Variants in CHRND observed in about 807,000 individuals in gnomAD.
The protein encoded by CHRND is acetylcholine receptor subunit delta.
A neutral mutation model predicts 57.8 loss-of-function variants in CHRND; 40 were observed. The ratio of observed to expected loss-of-function variants is 0.69; its 90% CI spans 0.54 to 0.90. The LOEUF (loss-of-function observed/expected upper bound fraction) is 0.90, where lower values mean the gene tolerates loss of function less well. Ranked by LOEUF, CHRND falls within the 40% of genes least tolerant of loss-of-function variation. The pLI, the probability that CHRND is intolerant of heterozygous loss-of-function variation, is 0.00. For synonymous variants in CHRND, 237 were observed against 270.6 expected (o/e 0.88, Z 1.22); for missense variants, 634 against 673.9 (o/e 0.94, Z 0.66).
rs1201770704 is a variant in CHRND, at chr2:232,529,818, G to A, written c.620-121G>A. 2.2e-5 allele frequency: 23 copies of A among 1,030,194 alleles called. No homozygotes were observed. The South Asian group carries it at 2.4e-4, about 11-fold the overall frequency. 63.8% of individuals were successfully genotyped at this position (1,030,194 alleles called of 1,614,324 possible). On this transcript the variant is annotated intron_variant, in intron 6 of 11. Coordinates refer to ENST00000258385, the MANE Select transcript of CHRND (RefSeq NM_000751.3). ...GAACGACACCCACCAACGGGACCCC[G>A]TAGACAGCCCATCTGCGTCTCTGGA...
chr2:232,529,237 G>A (rs1040021825), intron 6 of CHRND, among the ~76,000 whole-genome samples: 17 of 152,194 alleles, frequency 1.1e-4, no homozygotes, highest in South Asian at 2.1e-4. Context: ...CTCTGCCCAG[G>A]CCCGGAAGTC....
At position 232,534,232 on chromosome 2, in the gene CHRND, C is replaced by T; in HGVS notation, c.1261C>T (p.Pro421Ser). 6.2e-7 allele frequency: 1 copy of T among 1,614,190 alleles called. No individual in the cohort carries two copies. The highest frequency in any genetic ancestry group is 8.5e-7 in the Non-Finnish European group (1 of 1,180,034). ...TGGCCCCTCGTCTGTAGGCCGGCCCCCAGCAAGCTCTGAGCAGGCCCAGCA... is the reference window on the plus strand; with the variant it reads ...TGGCCCCTCGTCTGTAGGCCGGCCCTCAGCAAGCTCTGAGCAGGCCCAGCA... ...ARRLTTARRP[P>S]ASSEQAQQEL... Residue 421 changes from proline to serine, a missense_variant, in exon 11 of 12, where the codon CCA (proline) becomes TCA (serine). Coordinates refer to ENST00000258385, the MANE Select transcript of CHRND (RefSeq NM_000751.3).
In CHRND at chr2:232,526,606, C is replaced by T; in HGVS notation, c.130C>T (p.Pro44Ser). 3.1e-6 allele frequency: 5 copies of T among 1,613,828 alleles called. No homozygotes were observed. Among genetic ancestry groups the T allele is most frequent in the Non-Finnish European group, 4.2e-6 (5 of 1,180,012 alleles). The stretch of plus-strand genomic sequence containing the variant: ...GAAGGGCTACAACAAGGAGCTCCGG[C>T]CCGTGGCACACAAAGAGGAGAGTGT... The part of the protein sequence containing the change: ...QEKGYNKELR[P>S]VAHKEESVDV... The change falls in exon 2 of 12, where the codon CCC (proline) becomes TCC (serine). Residue 44 changes from proline to serine, a missense_variant. Pro to Ser is a moderately conservative substitution (Grantham distance 74). Coordinates refer to ENST00000258385, the MANE Select transcript of CHRND (RefSeq NM_000751.3).
chr2:232,534,825 C>T (rs542341638), intron 11 of CHRND, among the ~76,000 whole-genome samples: 10 of 152,330 alleles, frequency 6.6e-5, no homozygotes, highest in Admixed American at 3.9e-4. Flanking sequence ...GGGGTCTATC[C>T]ACCTTCCTCA....
At chr2:232,533,352 G>A (rs1214724178) in intron 9 of CHRND, among the ~76,000 whole-genome samples, 1 of 152,160 alleles carries the variant, frequency 6.6e-6, no homozygotes, top group African/African-American at 2.4e-5. Flanking sequence ...AGCATTTGAT[G>A]GGGGAGACTC....
chr2:232,533,112 C>T (rs529088561), intron 9 of CHRND, among the ~76,000 whole-genome samples: 20 of 152,230 alleles, frequency 1.3e-4, no homozygotes, highest in African/African-American at 4.6e-4. Flanking sequence ...CCTCTGCCTC[C>T]CAGGTTCAAG....
intron 11 of CHRND, 57 bp from the exon 12 acceptor site, chr2:232,535,073 G>A (rs1384875014): frequency 8.8e-6 from 14 of 1,597,902 alleles, no homozygotes; most frequent in Non-Finnish European, 1.2e-5. Context: ...CAGCTTGGGG[G>A]TGGGGCTTTG....
At chr2:232,529,021 GACAC>G in intron 6 of CHRND, 50 bp downstream of exon 6, 1 of 1,344,244 alleles carries the variant, frequency 7.4e-7, no homozygotes, top group East Asian at 2.3e-5. Flanking sequence ...GACACACACA[GACAC>G]ACTGGCCCTG....
In CHRND at chr2:232,536,420, T is replaced by C. The variant is rs1390542537; in HGVS notation, c.*1108T>C. On this transcript the variant is annotated 3_prime_UTR_variant, in exon 12 of 12. Coordinates refer to ENST00000258385, the MANE Select transcript of CHRND (RefSeq NM_000751.3). The stretch of plus-strand genomic sequence containing the variant: ...CTCACTTTGGGGAAGCCAGCTGGCA[T>C]GTTAAGGAGCCCTATGGAGAGGCCC... 2.2e-6 allele frequency: 1 copy of C among 454,122 alleles called. No homozygotes were observed. Among genetic ancestry groups the C allele is most frequent in the Admixed American group, 2.3e-5 (1 of 42,582 alleles). The allele number at this position is 454,122 out of a possible 1,614,324, so 28.1% of individuals were successfully genotyped here.
intron 6 of CHRND, 113 bp from the exon 7 acceptor site, chr2:232,529,826 C>A: frequency 9.0e-7 from 1 of 1,112,058 alleles, no homozygotes; most frequent in Non-Finnish European, 1.3e-6. Context: ...CCGTAGACAG[C>A]CCATCTGCGT....
rs760081896 is a variant in CHRND, at chr2:232,530,134, C to T, written c.815C>T (p.Ala272Val). The T allele has an allele frequency of 6.2e-7, 1 of 1,614,086 alleles. No individual in the cohort carries two copies. The highest frequency in any genetic ancestry group is 8.5e-7 in the Non-Finnish European group (1 of 1,179,998). ...GTCAACCTGGTCTTCTACCTACCGG[C>T]TGACAGTGAGCCTCCAGGCCCCGTC... ...FMVNLVFYLP[A>V]DSGEKTSVAI... The change falls in exon 7 of 12, where the codon GCT becomes GTT. Residue 272 changes from alanine to valine, a missense_variant. Transcript: ENST00000258385.
intron 7 of CHRND, among the ~76,000 whole-genome samples, chr2:232,530,723 A>G (rs759691246): frequency 6.6e-6 from 1 of 152,038 alleles, no homozygotes; most frequent in Non-Finnish European, 1.5e-5. Flanking sequence ...GAGGAGGTGG[A>G]GTTTGAATGG....
intron 2 of CHRND, among the ~76,000 whole-genome samples, 176 bp from the exon 3 acceptor site, chr2:232,527,225 G>A (rs184075713): frequency 7.2e-5 from 11 of 152,160 alleles, no homozygotes; most frequent in African/African-American, 2.6e-4. Flanking sequence ...CTTGAACCCA[G>A]GAGGCAGAGG....
At position 232,530,027 on chromosome 2, in the gene CHRND, C is replaced by T. The variant is rs1440790092; in HGVS notation, c.708C>T (p.Ile236=). The T allele has an allele frequency of 6.2e-7, 1 of 1,614,118 alleles. No homozygotes were observed. The highest frequency in any genetic ancestry group is 1.7e-5 in the Admixed American group (1 of 60,024). Residue 236 remains isoleucine, a synonymous_variant, in exon 7 of 12, where the codon ATC becomes ATT. Transcript: ENST00000258385. The part of the protein sequence containing the change: ...APLDSPSRQD[I]TFYLIIRRKP... ...TGGACAGCCCCAGCCGCCAGGACAT[C>T]ACCTTCTACCTCATCATCCGCCGCA...
intron 9 of CHRND, among the ~76,000 whole-genome samples, chr2:232,532,265 C>T (rs1041251805): frequency 1.3e-5 from 2 of 151,920 alleles, no homozygotes; most frequent in South Asian, 2.1e-4. Context: ...GTCAAGAGTT[C>T]GAGACCACCC....
chr2:232,534,331 A>C lies in CHRND; in HGVS notation c.1360A>C (p.Asn454His). 4 of 1,614,104 alleles carry C rather than the reference A, an allele frequency of 2.5e-6. No homozygotes were observed. The East Asian group carries it at 8.9e-5, about 36-fold the overall frequency. Residue 454 changes from asparagine to histidine, a missense_variant, in exon 11 of 12, where the codon AAT becomes CAT. Physicochemically the swap from Asn to His is moderately conservative, Grantham distance 68 (BLOSUM62 1). Coordinates refer to ENST00000258385, the MANE Select transcript of CHRND (RefSeq NM_000751.3). ...FIVNHMRDQN[N>H]YNEEKDSWNR... ...TGTTAACCACATGAGGGACCAGAAC[A>C]ATTACAATGAGGTAAGGGACCACAG...
chr2:232,534,753 T>G (rs891112574), intron 11 of CHRND, among the ~76,000 whole-genome samples: 1 of 152,228 alleles, frequency 6.6e-6, no homozygotes, highest in Non-Finnish European at 1.5e-5. Context: ...AGGGCACCTT[T>G]TCCCAGTTCA....
At chr2:232,526,436 C>T in intron 1 of CHRND, 93 bp from the exon 2 acceptor site, 1 of 1,596,770 alleles carries the variant, frequency 6.3e-7, no homozygotes, top group South Asian at 1.1e-5. Flanking sequence ...CCTGCTCATC[C>T]CAACCTCATG....
At chr2:232,534,162 A>G (rs1378218291) in intron 10 of CHRND, 27 bp downstream of exon 10, 1 of 1,614,052 alleles carries the variant, frequency 6.2e-7, no homozygotes, top group Non-Finnish European at 8.5e-7. Context: ...CTTGGTTTTC[A>G]GCCCATCTGT....
Sources: allele counts gnomAD v4.1 joint callset (sites outside exome capture counted in the v4.1 genomes callset), GRCh38; gene constraint gnomAD v4.1.1; transcripts MANE v1.5; gene names NCBI Gene and HGNC (gene_info 2026-07-23, HGNC 2026-07-21).